Variants in LZTFL1 observed in about 807,000 individuals in gnomAD.
LZTFL1 encodes leucine zipper transcription factor-like protein 1.
A neutral mutation model predicts 45.9 loss-of-function variants in LZTFL1; 25 were observed. The ratio of observed to expected loss-of-function variants is 0.54; its 90% CI spans 0.40 to 0.76. The LOEUF is 0.76. Ranked by LOEUF, LZTFL1 falls within the 30% of genes least tolerant of loss-of-function variation. LZTFL1 has a pLI of 0.00. For missense variants in LZTFL1, 277 were observed against 331.1 expected (o/e 0.84, Z 1.27); for synonymous variants, 93 against 117.4 (o/e 0.79, Z 1.35).
In LZTFL1 at chr3:45,890,308, T is replaced by TATATATTTATATAAATATATATATAAC. The variant is rs1702123455; in HGVS notation, c.-215+22811_-215+22812insGTTATATATATATTTATATAAATATAT. Among the ~76,000 whole-genome samples the TATATATTTATATAAATATATATATAAC allele has an allele frequency of 2.8e-4, 22 of 77,344 alleles. 3 individuals are homozygous for TATATATTTATATAAATATATATATAAC. Among genetic ancestry groups the TATATATTTATATAAATATATATATAAC allele is most frequent in the African/African-American group, 2.1e-3 (15 of 7,026 alleles). The allele number at this position is 77,344 out of a possible 152,430, so 50.7% of individuals were successfully genotyped here. On this transcript the variant is annotated intron_variant, in intron 2 of 4. Coordinates refer to the LZTFL1 transcript ENST00000472635. ...TTTATATAAATATATATATAACATA[T>TATATATTTATATAAATATATATATAAC]ATATATATTTATATAAATATATATA...
intron 1 of LZTFL1, 155 bp downstream of exon 1, chr3:45,841,834 C>G: frequency 2.0e-6 from 2 of 1,004,836 alleles, no homozygotes; most frequent in Admixed American, 2.2e-5. Context: ...AACCGAATCT[C>G]TCGCGCCCGG....
At chr3:45,841,131 A>G (rs1311211135) in intron 1 of LZTFL1, among the ~76,000 whole-genome samples, 1 of 152,328 alleles carries the variant, frequency 6.6e-6, no homozygotes, top group African/African-American at 2.4e-5. Context: ...GAGAGGCTCT[A>G]AACTCAAGAA....
intron 1 of LZTFL1, among the ~76,000 whole-genome samples, chr3:45,914,951 C>T (rs532080600): frequency 1.3e-5 from 2 of 152,190 alleles, no homozygotes; most frequent in African/African-American, 2.4e-5. Context: ...CATTCACAAG[C>T]GTCGTGGGAG....
intron 5 of LZTFL1, 25 bp downstream of exon 5, chr3:45,833,025 C>T (rs775691517): frequency 1.3e-6 from 2 of 1,551,506 alleles, no homozygotes; most frequent in Non-Finnish European, 1.8e-6. Context: ...GAGAGACTTT[C>T]CGTTTCTCAA....
At chr3:45,866,469 C>T (rs1701579506) in intron 2 of LZTFL1, among the ~76,000 whole-genome samples, 1 of 152,198 alleles carries the variant, frequency 6.6e-6, no homozygotes, top group Non-Finnish European at 1.5e-5. Context: ...GTCAGCTCTA[C>T]AAGGGCAAGC....
In LZTFL1 at chr3:45,895,377, A is replaced by T. The variant is rs138651657; in HGVS notation, c.-215+17743T>A. 4.8e-3 allele frequency among the ~76,000 whole-genome samples: 724 copies of T among 152,370 alleles called. 5 individuals carry two copies. Among genetic ancestry groups the T allele is most frequent in the Admixed American group, 8.4e-3 (128 of 15,310 alleles). ...TGTAGACCTTATGAAAACACGTAAC[A>T]GTATACATTCCCCTGAAAGAGACCA... On this transcript the variant is annotated intron_variant, in intron 2 of 4. Transcript: ENST00000472635.
rs1343364926 is a variant in LZTFL1, at chr3:45,826,039, T to C, written c.*275A>G. On this transcript the variant is annotated 3_prime_UTR_variant, in exon 10 of 10. Coordinates refer to ENST00000296135, the MANE Select transcript of LZTFL1 (RefSeq NM_020347.4). ...AAGGATAAGCCTCTTCTTCCCACTC[T>C]AAAAATCTCTTCTTTGCTGTAAAGA... 1.3e-5 allele frequency: 5 copies of C among 378,598 alleles called. No individual in the cohort carries two copies. Among genetic ancestry groups the C allele is most frequent in the African/African-American group, 2.1e-5 (1 of 48,068 alleles). 23.5% of individuals were successfully genotyped at this position (378,598 alleles called of 1,614,324 possible). A position where few individuals can be genotyped will look rare whatever the true frequency, so the allele number is the denominator to read the frequency against.
chr3:45,823,467 G>C lies in LZTFL1; in HGVS notation c.*2847C>G, dbSNP rs965387607. On this transcript the variant is annotated 3_prime_UTR_variant, in exon 10 of 10. Coordinates refer to ENST00000296135, the MANE Select transcript of LZTFL1 (RefSeq NM_020347.4). ...TTACAATAGGCAATAACAGCTACAC[G>C]CTTACTTGATGAAGGAGCTGATGAC... 4 of 152,150 alleles carry C rather than the reference G, an allele frequency of 2.6e-5. No individual in the cohort carries two copies. Among genetic ancestry groups the C allele is most frequent in the African/African-American group, 7.2e-5 (3 of 41,396 alleles). 9.4% of individuals were successfully genotyped at this position (152,150 alleles called of 1,614,324 possible).
rs1023887331 is a variant in LZTFL1, at chr3:45,834,118, C to G, written c.384+120G>C. On this transcript the variant is annotated intron_variant, in intron 4 of 9. Transcript: ENST00000296135. Reference sequence around the variant, plus strand: ...TATGATAGACAATTTCTGAATTTTACTCTTGAATTGAATGCTTTTCCTTAA... The same window carrying G: ...TATGATAGACAATTTCTGAATTTTAGTCTTGAATTGAATGCTTTTCCTTAA... 6.7e-6 allele frequency: 4 copies of G among 598,836 alleles called. No individual in the cohort carries two copies. In the African/African-American group the frequency reaches 7.5e-5, roughly 11 times the overall value. 37.1% of individuals were successfully genotyped at this position (598,836 alleles called of 1,614,324 possible).
At chr3:45,864,169 T>C (rs925144035) in intron 2 of LZTFL1, among the ~76,000 whole-genome samples, 4 of 152,192 alleles carry the variant, frequency 2.6e-5, no homozygotes, top group Non-Finnish European at 4.4e-5. Context: ...TAATGTGTAA[T>C]TATAAATTGC....
At chr3:45,867,429 T>C (rs1190308632) in intron 2 of LZTFL1, among the ~76,000 whole-genome samples, 1 of 152,210 alleles carries the variant, frequency 6.6e-6, no homozygotes, top group Non-Finnish European at 1.5e-5. Context: ...CAAGTTTTTT[T>C]TTTCTTGCAC....
chr3:45,841,730 C>T, intron 1 of LZTFL1: 1 of 583,002 alleles, frequency 1.7e-6, no homozygotes, highest in East Asian at 2.8e-5. Context: ...CTCCAGCCCC[C>T]GCAGGCAGGA....
intron 2 of LZTFL1, among the ~76,000 whole-genome samples, chr3:45,897,931 C>A (rs1702411849): frequency 6.8e-6 from 1 of 147,932 alleles, no homozygotes. Flanking sequence ...TGCTTCACAG[C>A]CGTGGGCTCA....
At chr3:45,892,100 C>T (rs1347310379) in intron 2 of LZTFL1, among the ~76,000 whole-genome samples, 2 of 152,110 alleles carry the variant, frequency 1.3e-5, no homozygotes, top group African/African-American at 4.8e-5. Flanking sequence ...GATCAGGGCA[C>T]TAGGTGCTAA....
At chr3:45,874,692 C>T (rs1701721754) in intron 2 of LZTFL1, among the ~76,000 whole-genome samples, 3 of 152,172 alleles carry the variant, frequency 2.0e-5, no homozygotes, top group South Asian at 2.1e-4. Context: ...TAGTTCTTCC[C>T]ATTGAGAGGT....
chr3:45,875,559 C>T (rs530699139), intron 2 of LZTFL1, among the ~76,000 whole-genome samples: 20 of 152,128 alleles, frequency 1.3e-4, no homozygotes, highest in Non-Finnish European at 2.4e-4. Context: ...CAGTGGCACA[C>T]GCCTGTAATC....
At chr3:45,909,275 C>T (rs1276984393) in intron 2 of LZTFL1, among the ~76,000 whole-genome samples, 4 of 152,210 alleles carry the variant, frequency 2.6e-5, no homozygotes. Context: ...AAAATCACCT[C>T]TCCACCAATG....
upstream of LZTFL1, among the ~76,000 whole-genome samples, chr3:45,842,669 T>A (rs1374392345): frequency 3.3e-5 from 5 of 152,022 alleles, no homozygotes; most frequent in East Asian, 1.9e-4. Flanking sequence ...TTTTTCCATT[T>A]AAAAAAAATG....
chr3:45,906,750 T>C (rs1164296171), intron 2 of LZTFL1, among the ~76,000 whole-genome samples: 2 of 152,170 alleles, frequency 1.3e-5, no homozygotes, highest in Admixed American at 1.3e-4. Flanking sequence ...AATTCCTTCA[T>C]GAAGAAGCCA....
Sources: allele counts gnomAD v4.1 joint callset (sites outside exome capture counted in the v4.1 genomes callset), GRCh38; gene constraint gnomAD v4.1.1; transcripts MANE v1.5; gene names NCBI Gene and HGNC (gene_info 2026-07-23, HGNC 2026-07-21).